EHD2: variants seen among roughly 807,000 people sequenced by gnomAD.
EHD2 encodes EH domain containing 2.
EHD2 carries 27 observed loss-of-function variants against 41.0 expected under a neutral mutation model. The ratio of observed to expected loss-of-function variants is 0.66; its 90% CI spans 0.49 to 0.91. The LOEUF (loss-of-function observed/expected upper bound fraction) is 0.91. EHD2 is among the 40% of genes least tolerant of loss of function. EHD2 has a pLI of 0.00. For synonymous variants in EHD2, 342 were observed against 341.0 expected (o/e 1.00, Z -0.03); for missense variants, 673 against 773.9 (o/e 0.87, Z 1.55).
At chr19:47,717,280 C>A (rs1973639423) in intron 2 of EHD2, among the ~76,000 whole-genome samples, 1 of 152,028 alleles carries the variant, frequency 6.6e-6, no homozygotes, top group Non-Finnish European at 1.5e-5. Flanking sequence ...AACTCCTGGC[C>A]TCAAGTGATC....
intron 1 of EHD2, among the ~76,000 whole-genome samples, chr19:47,715,429 T>A (rs538415373): frequency 2.6e-5 from 4 of 152,114 alleles, no homozygotes; most frequent in African/African-American, 9.7e-5. Flanking sequence ...AAGTCAACCC[T>A]GCCCTGAGTC....
At chr19:47,726,328 G>T in intron 4 of EHD2, 104 bp downstream of exon 4, 2 of 1,366,226 alleles carry the variant, frequency 1.5e-6, no homozygotes, top group Non-Finnish European at 1.9e-6. Flanking sequence ...AGGTTAGTTA[G>T]TTCTCTTGAA....
intron 4 of EHD2, chr19:47,733,094 A>T (rs942505155): frequency 8.9e-5 from 13 of 145,656 alleles, no homozygotes; most frequent in African/African-American, 3.4e-4. Context: ...AAAAAAAAAT[A>T]AAAAATAAAA....
Position 47,741,756 on chromosome 19 carries a change from T to C in EHD2, c.*324T>C. The C allele has an allele frequency of 1.8e-6, 1 of 571,086 alleles. No individual in the cohort carries two copies. The highest frequency in any genetic ancestry group is 3.3e-6 in the Non-Finnish European group (1 of 305,468). The allele number at this position is 571,086 out of a possible 1,614,324, so 35.4% of individuals were successfully genotyped here. ...GCACCTACTATGTGCCCAGCCCTGT[T>C]CTAGGCACTGGGCATTACCATAGAG... On this transcript the variant is annotated 3_prime_UTR_variant, in exon 6 of 6. Coordinates refer to ENST00000263277, the MANE Select transcript of EHD2 (RefSeq NM_014601.4). The surrounding 1 kb of genome is among the most constrained non-coding windows in gnomAD (Gnocchi z 4.5).
In EHD2 at chr19:47,741,804, G is replaced by A. The variant is rs1966993212; in HGVS notation, c.*372G>A. The A allele has an allele frequency of 2.0e-6, 1 of 493,948 alleles. No individual in the cohort carries two copies. The highest frequency in any genetic ancestry group is 1.9e-5 in the African/African-American group (1 of 51,662). The allele number at this position is 493,948 out of a possible 1,614,324, so 30.6% of individuals were successfully genotyped here. ...GAGAACAAAATAGACAAATACATCT[G>A]CCCTCATGGAAGGTGACGTTCCCAG... On this transcript the variant is annotated 3_prime_UTR_variant, in exon 6 of 6. Transcript: ENST00000263277. The surrounding 1 kb of genome is among the most constrained non-coding windows in gnomAD (Gnocchi z 4.5).
intron 4 of EHD2, among the ~76,000 whole-genome samples, chr19:47,726,824 A>G (rs6509335): frequency 1 from 152,146 of 152,288 alleles, 76,004 homozygotes; most frequent in Middle Eastern, 1. Flanking sequence ...GACCACAGGC[A>G]CGTGTCACCA....
At position 47,736,937 on chromosome 19, in the gene EHD2, A is replaced by T. The variant is rs1599902623; in HGVS notation, c.1080+404A>T. ...TTGTGTCTGCGTTCCAGCCAGCAAGAAGTTGGGAAGGGGGCCAGGCATGGT... is the reference window on the plus strand; with the variant it reads ...TTGTGTCTGCGTTCCAGCCAGCAAGTAGTTGGGAAGGGGGCCAGGCATGGT... On this transcript the variant is annotated intron_variant, in intron 5 of 5. Coordinates refer to ENST00000263277, the MANE Select transcript of EHD2 (RefSeq NM_014601.4). Among the ~76,000 whole-genome samples, 4 of 152,154 alleles carry T rather than the reference A, an allele frequency of 2.6e-5. No homozygotes were observed. In the South Asian group the frequency reaches 8.3e-4, roughly 32 times the overall value.
intron 5 of EHD2, among the ~76,000 whole-genome samples, chr19:47,737,636 G>A (rs1286317654): frequency 6.6e-6 from 1 of 151,884 alleles, no homozygotes; most frequent in Non-Finnish European, 1.5e-5. Context: ...CAGCCTGTGT[G>A]ACCGAGTAAG....
chr19:47,716,447 G>T, intron 1 of EHD2, 111 bp from the exon 2 acceptor site: 1 of 679,806 alleles, frequency 1.5e-6, no homozygotes, highest in Non-Finnish European at 2.3e-6. Context: ...ACAAATATCT[G>T]TGCTCCTCCT....
intron 4 of EHD2, among the ~76,000 whole-genome samples, chr19:47,728,559 T>C (rs1044052321): frequency 6.7e-6 from 1 of 149,152 alleles, no homozygotes; most frequent in African/African-American, 2.5e-5. Context: ...TTCTCTTTCT[T>C]TTTCTTTCTT....
intron 2 of EHD2, among the ~76,000 whole-genome samples, chr19:47,717,327 G>A (rs1599885579): frequency 6.6e-6 from 1 of 152,048 alleles, no homozygotes; most frequent in Admixed American, 6.5e-5. Context: ...GGGATTACAC[G>A]AGTGAGCCAC....
intron 3 of EHD2, among the ~76,000 whole-genome samples, chr19:47,723,888 T>C (rs974661248): frequency 6.6e-6 from 1 of 152,040 alleles, no homozygotes; most frequent in African/African-American, 2.4e-5. Flanking sequence ...TCTTGTCATC[T>C]TGCCCAGGCT....
Position 47,716,632 on chromosome 19 carries a change from G to A in EHD2, c.20G>A (p.Arg7Gln), listed in dbSNP as rs146201317. Reference sequence around the variant, plus strand: ...GCCACCATGTTCAGCTGGCTGAAGCGGGGCGGGGCACGGGGCCAGCAGCCC... The same window carrying A: ...GCCACCATGTTCAGCTGGCTGAAGCAGGGCGGGGCACGGGGCCAGCAGCCC... MFSWLK[R>Q]GGARGQQPEA... Residue 7 changes from arginine to glutamine, a missense_variant, in exon 2 of 6, where the codon CGG becomes CAG. Arg to Gln is a conservative substitution (Grantham distance 43). Coordinates refer to ENST00000263277, the MANE Select transcript of EHD2 (RefSeq NM_014601.4). 4.5e-6 allele frequency: 7 copies of A among 1,546,768 alleles called. No homozygotes were observed. Among genetic ancestry groups the A allele is most frequent in the Non-Finnish European group, 5.2e-6 (6 of 1,147,312 alleles).
At position 47,742,030 on chromosome 19, in the gene EHD2, G is replaced by A. The variant is rs1467840730; in HGVS notation, c.*598G>A. 5 of 444,910 alleles carry A rather than the reference G, an allele frequency of 1.1e-5. No individual in the cohort carries two copies. The highest frequency in any genetic ancestry group is 2.3e-5 in the Non-Finnish European group (5 of 222,056). 27.6% of individuals were successfully genotyped at this position (444,910 alleles called of 1,614,324 possible). A position where few individuals can be genotyped will look rare whatever the true frequency, so the allele number is the denominator to read the frequency against. The stretch of plus-strand genomic sequence containing the variant: ...AGGTCTCGGGACCATGGGGGGCTCA[G>A]AGGGGAGACACACCTACTGCTTCCT... On this transcript the variant is annotated 3_prime_UTR_variant, in exon 6 of 6. Coordinates refer to ENST00000263277, the MANE Select transcript of EHD2 (RefSeq NM_014601.4).
chr19:47,728,023 G>T (rs1005569019), intron 4 of EHD2, among the ~76,000 whole-genome samples: 10 of 151,046 alleles, frequency 6.6e-5, no homozygotes, highest in Non-Finnish European at 1.0e-4. Flanking sequence ...TTGAACCCGG[G>T]AGGCAGAGGT....
intron 2 of EHD2, among the ~76,000 whole-genome samples, 200 bp downstream of exon 2, chr19:47,717,216 T>C (rs1234165846): frequency 1.3e-5 from 2 of 152,122 alleles, no homozygotes; most frequent in African/African-American, 4.8e-5. Context: ...CCAAGCGAGT[T>C]TTTGTATTAT....
rs200091589 is a variant in EHD2, at chr19:47,740,876, C to G, written c.1081-5C>G. The G allele has an allele frequency of 1.1e-4, 177 of 1,612,390 alleles. No individual in the cohort carries two copies. The East Asian group carries it at 3.7e-3, about 34-fold the overall frequency. ...AATTCTGGGTGCCCCTGTCCCCCACCACAGGAGCTGCTGATGGCGCACGAC... is the reference window on the plus strand; with the variant it reads ...AATTCTGGGTGCCCCTGTCCCCCACGACAGGAGCTGCTGATGGCGCACGAC... On this transcript the variant is annotated splice_polypyrimidine_tract_variant and splice_region_variant and intron_variant, in intron 5 of 5. Coordinates refer to ENST00000263277, the MANE Select transcript of EHD2 (RefSeq NM_014601.4).
At chr19:47,735,850 G>A (rs1232934925) in intron 4 of EHD2, among the ~76,000 whole-genome samples, 1 of 149,946 alleles carries the variant, frequency 6.7e-6, no homozygotes, top group East Asian at 2.0e-4. Context: ...AGGTTGCAGC[G>A]AGCTGATTGC....
intron 3 of EHD2, among the ~76,000 whole-genome samples, chr19:47,722,515 C>T: frequency 6.6e-6 from 1 of 152,100 alleles, no homozygotes; most frequent in East Asian, 1.9e-4. Context: ...CATGGGACTC[C>T]TCTTCTGTCG....
Sources: allele counts gnomAD v4.1 joint callset (sites outside exome capture counted in the v4.1 genomes callset), GRCh38; gene constraint gnomAD v4.1.1; non-coding constraint Gnocchi (gnomAD v3.1); transcripts MANE v1.5; gene names NCBI Gene and HGNC (gene_info 2026-07-23, HGNC 2026-07-21).